Variants in ADGRB1 observed in about 807,000 individuals in gnomAD.
The protein encoded by ADGRB1 is brain-specific angiogenesis inhibitor 1.
Under a neutral mutation model 175.7 loss-of-function variants are expected in ADGRB1, and 36 were observed. The ratio of observed to expected loss-of-function variants is 0.20; its 90% confidence interval spans 0.16 to 0.27. The LOEUF is 0.27. Ranked by LOEUF, ADGRB1 falls within the 10% of genes least tolerant of loss-of-function variation. ADGRB1 has a pLI of 1.00. For missense variants in ADGRB1, 1,731 were observed against 2,255.3 expected, an observed-to-expected ratio of 0.77 and a Z score of 4.71; for synonymous variants, 1,054 against 979.4, an observed-to-expected ratio of 1.08 and a Z score of -1.42.
Position 142,529,094 on chromosome 8 carries a change from G to A in ADGRB1, c.3398+2467G>A, listed in dbSNP as rs78416774. On this transcript the variant is annotated intron_variant, in intron 24 of 30. Transcript: ENST00000517894. The stretch of plus-strand genomic sequence containing the variant: ...AGGGGTCTGCACCCATGACACCCCC[G>A]CAGTTCTGTGGTGGGGCGAGGAGAC... Among the ~76,000 whole-genome samples, 603 of 152,358 alleles carry A rather than the reference G, an allele frequency of 4.0e-3. 7 individuals carry two copies. The East Asian group carries it at 0.045, about 11-fold the overall frequency.
intron 2 of ADGRB1, among the ~76,000 whole-genome samples, chr8:142,470,018 G>C (rs149986546): frequency 6.6e-6 from 1 of 152,350 alleles, no homozygotes; most frequent in Non-Finnish European, 1.5e-5. Context: ...GGAGCAAGCA[G>C]GCAGCCCAGG....
intron 24 of ADGRB1, among the ~76,000 whole-genome samples, chr8:142,528,269 G>T (rs1168297249): frequency 6.6e-6 from 1 of 152,226 alleles, no homozygotes; most frequent in Non-Finnish European, 1.5e-5. Context: ...TTGCCGCTTT[G>T]TGCAGACGGA....
chr8:142,468,089 G>T (rs1840378071), intron 2 of ADGRB1, among the ~76,000 whole-genome samples: 1 of 152,238 alleles, frequency 6.6e-6, no homozygotes, highest in African/African-American at 2.4e-5. Context: ...TGTTGTGTGT[G>T]CGTGTTCATG....
chr8:142,533,268 G>A (rs898782564), intron 24 of ADGRB1, 27 bp from the exon 25 acceptor site: 20 of 1,479,078 alleles, frequency 1.4e-5, no homozygotes, highest in Middle Eastern at 2.3e-4. Flanking sequence ...GGGCGGGGGC[G>A]GCAGCGCTGA....
intron 14 of ADGRB1, 36 bp downstream of exon 14, chr8:142,488,543 G>C: frequency 6.2e-7 from 1 of 1,603,828 alleles, no homozygotes; most frequent in Non-Finnish European, 8.5e-7. Context: ...GACCTTCATG[G>C]GGGACGTGGG....
At chr8:142,458,293 A>G (rs1313392616) in intron 1 of ADGRB1, among the ~76,000 whole-genome samples, 1 of 152,158 alleles carries the variant, frequency 6.6e-6, no homozygotes, top group African/African-American at 2.4e-5. Context: ...ACCGAGGTGC[A>G]GGGTGTGATT....
chr8:142,509,739 A>G (rs1367436771), intron 17 of ADGRB1, among the ~76,000 whole-genome samples: 1 of 152,142 alleles, frequency 6.6e-6, no homozygotes, highest in African/African-American at 2.4e-5. Flanking sequence ...CTACTTAGGG[A>G]GGAATGAGGC....
Position 142,476,709 on chromosome 8 carries a change from A to AG in ADGRB1, c.1057+20dup, listed in dbSNP as rs1357607368. Reference sequence around the variant, plus strand: ...CCCCCCAGACCGGTGAGCTGGCGGGAGGGGGGTGGGTGGGACTAGGGCTTT... The same window carrying AG: ...CCCCCCAGACCGGTGAGCTGGCGGGAGGGGGGGTGGGTGGGACTAGGGCTTT... On this transcript the variant is annotated intron_variant, in intron 4 of 30. Coordinates refer to ENST00000517894, the MANE Select transcript of ADGRB1 (RefSeq NM_001702.3). 2.6e-6 allele frequency: 4 copies of AG among 1,539,572 alleles called. No individual in the cohort carries two copies. In the African/African-American group the frequency reaches 4.1e-5, roughly 16 times the overall value.
intron 25 of ADGRB1, among the ~76,000 whole-genome samples, chr8:142,535,926 G>C (rs1398278751): frequency 6.6e-6 from 1 of 152,196 alleles, no homozygotes; most frequent in Non-Finnish European, 1.5e-5. Context: ...CTGGTTTCCA[G>C]GCCTGGCCCT....
In ADGRB1 at chr8:142,476,706, G is replaced by C. The variant is rs780746949; in HGVS notation, c.1057+11G>C. On this transcript the variant is annotated intron_variant, in intron 4 of 30. Coordinates refer to ENST00000517894, the MANE Select transcript of ADGRB1 (RefSeq NM_001702.3). ...CAGCCCCCCAGACCGGTGAGCTGGC[G>C]GGAGGGGGGTGGGTGGGACTAGGGC... The C allele has an allele frequency of 6.5e-7, 1 of 1,541,650 alleles. No individual in the cohort carries two copies. The highest frequency in any genetic ancestry group is 2.0e-5 in the Admixed American group (1 of 50,634).
intron 24 of ADGRB1, among the ~76,000 whole-genome samples, chr8:142,527,732 A>G (rs952831979): frequency 6.6e-6 from 1 of 152,228 alleles, no homozygotes; most frequent in Non-Finnish European, 1.5e-5. Context: ...GGGTCTGAGC[A>G]TGGCAGACTG....
At position 142,464,587 on chromosome 8, in the gene ADGRB1, C is replaced by T. The variant is rs1169143468; in HGVS notation, c.389C>T (p.Ser130Phe). 9 of 1,533,790 alleles carry T rather than the reference C, an allele frequency of 5.9e-6. No homozygotes were observed. Among genetic ancestry groups the T allele is most frequent in the African/African-American group, 4.2e-5 (3 of 71,538 alleles). ...FDEVLRLCDP[S>F]APLAFLQASK... ...GAGGTGCTGCGGCTCTGCGACCCCT[C>T]CGCACCCCTGGCCTTCCTGCAGGCC... Residue 130 changes from serine to phenylalanine, a missense_variant, in exon 2 of 31, where the codon TCC (serine) becomes TTC (phenylalanine). By Grantham distance (155) the Ser-to-Phe change is radical. Around this residue, in one of 8 missense-constraint regions of ADGRB1, gnomAD observed 383 missense variants for 383.1 expected, o/e 1.00. Coordinates refer to ENST00000517894, the MANE Select transcript of ADGRB1 (RefSeq NM_001702.3).
chr8:142,526,522 C>CCCCCA lies in ADGRB1; in HGVS notation c.3313-20_3313-19insCCCCA. 6.5e-7 allele frequency: 1 copy of CCCCCA among 1,543,520 alleles called. No individual in the cohort carries two copies. The highest frequency in any genetic ancestry group is 8.8e-7 in the Non-Finnish European group (1 of 1,133,010). Reference sequence around the variant, plus strand: ...ACGGCGGCCCCCACCCCCACACCCCCACCACTCTCTGCCCGGCAGGTGAAC... The same window carrying CCCCCA: ...ACGGCGGCCCCCACCCCCACACCCCCCCCCAACCACTCTCTGCCCGGCAGGTGAAC... On this transcript the variant is annotated intron_variant, in intron 23 of 30. Coordinates refer to ENST00000517894, the MANE Select transcript of ADGRB1 (RefSeq NM_001702.3).
chr8:142,513,668 C>A (rs1330435591), intron 18 of ADGRB1, among the ~76,000 whole-genome samples: 2 of 152,170 alleles, frequency 1.3e-5, no homozygotes, highest in Non-Finnish European at 2.9e-5. Context: ...GGGTGCATGG[C>A]CACAGCCTTC....
intron 23 of ADGRB1, among the ~76,000 whole-genome samples, chr8:142,524,895 G>T (rs1265657569): frequency 2.6e-5 from 4 of 152,062 alleles, no homozygotes; most frequent in African/African-American, 4.8e-5. Context: ...CCCGCCTGGG[G>T]TCACTGGCCT....
intron 19 of ADGRB1, among the ~76,000 whole-genome samples, chr8:142,519,858 G>A (rs187651805): frequency 1.0e-3 from 155 of 148,956 alleles, no homozygotes; most frequent in African/African-American, 3.3e-3. Flanking sequence ...GGTAATGGTC[G>A]TGGTGATGGT....
chr8:142,516,857 G>A (rs556404901), intron 18 of ADGRB1, among the ~76,000 whole-genome samples: 5 of 152,254 alleles, frequency 3.3e-5, no homozygotes, highest in African/African-American at 9.6e-5. Context: ...GAAGTTGCTC[G>A]GGGTGAACTC....
chr8:142,468,179 G>A (rs1840385053), intron 2 of ADGRB1, among the ~76,000 whole-genome samples: 1 of 152,118 alleles, frequency 6.6e-6, no homozygotes, highest in Non-Finnish European at 1.5e-5. Context: ...GCATATATGT[G>A]GTGTGGGTGC....
At chr8:142,456,534 C>T (rs1298918864) in intron 1 of ADGRB1, among the ~76,000 whole-genome samples, 1 of 152,186 alleles carries the variant, frequency 6.6e-6, no homozygotes, top group African/African-American at 2.4e-5. Context: ...CACACACACA[C>T]CACTCACACC....
Sources: gnomAD v4.1 joint callset for allele counts (sites outside exome capture counted in the v4.1 genomes callset) on GRCh38, gnomAD v4.1.1 for gene constraint, gnomAD v4.1.1 regional missense constraint, MANE v1.5 for transcripts, NCBI Gene and HGNC (gene_info 2026-07-23, HGNC 2026-07-21) for gene names.